Variants in E2F8 observed in about 807,000 individuals in gnomAD.
E2F8 encodes transcription factor E2F8.
A neutral mutation model predicts 80.8 loss-of-function variants in E2F8; 35 were observed. The observed-to-expected ratio is 0.43, with a 90% confidence interval of 0.33 to 0.57. The LOEUF (loss-of-function observed/expected upper bound fraction) is 0.57, where lower values mean the gene tolerates loss of function less well. Ranked by LOEUF, E2F8 falls within the 20% of genes least tolerant of loss-of-function variation. The pLI, the probability that E2F8 is intolerant of heterozygous loss-of-function variation, is 0.04. For synonymous variants in E2F8, 386 were observed against 395.0 expected, an observed-to-expected ratio of 0.98 and a Z score of 0.27; for missense variants, 975 against 1,056.2, an observed-to-expected ratio of 0.92 and a Z score of 1.07.
At position 19,240,889 on chromosome 11, in the gene E2F8, G is replaced by C. The variant is rs1345155677; in HGVS notation, c.-451C>G. 1 of 152,330 alleles carries C rather than the reference G, an allele frequency of 6.6e-6. No individual in the cohort carries two copies. The highest frequency in any genetic ancestry group is 1.5e-5 in the Non-Finnish European group (1 of 68,144). 9.4% of individuals were successfully genotyped at this position (152,330 alleles called of 1,614,324 possible). A position where few individuals can be genotyped will look rare whatever the true frequency, so the allele number is the denominator to read the frequency against. ...ACGGCGTTAGACTCCACCTTGGAAG[G>C]CTGTATTTGCCCAATAAGGCAAGCA... On this transcript the variant is annotated 5_prime_UTR_variant, in exon 1 of 13. Transcript: ENST00000250024.
intron 2 of E2F8, among the ~76,000 whole-genome samples, chr11:19,239,888 T>C (rs988184593): frequency 2.6e-5 from 4 of 151,014 alleles, no homozygotes; most frequent in African/African-American, 9.7e-5. Flanking sequence ...CTTTTTAAGA[T>C]AATTTTCATT....
Position 19,237,996 on chromosome 11 carries a change from C to A in E2F8, c.152G>T (p.Gly51Val). The A allele has an allele frequency of 6.2e-7, 1 of 1,614,150 alleles. No homozygotes were observed. The highest frequency in any genetic ancestry group is 8.5e-7 in the Non-Finnish European group (1 of 1,180,034). The change falls in exon 3 of 13, where the codon GGC becomes GTC. Residue 51 changes from glycine to valine, a missense_variant. By Grantham distance (109) the Gly-to-Val change is moderately radical (BLOSUM62 -3). Coordinates refer to ENST00000250024, the MANE Select transcript of E2F8 (RefSeq NM_024680.4). ...CGGTGTCCACGGCTCTCCCTGAGAG[C>A]CTTCCTTGGGCTTGGTAGGTGTGGT... ...PLTTPTKPKE[G>V]SQGEPWTPTA...
chr11:19,230,659 C>A lies in E2F8; in HGVS notation c.1242G>T (p.Ala414=), dbSNP rs767997311. The part of the protein sequence containing the change: ...IESDRRKINS[A]PSSPIKTNKA... ...TGTTGGTCTTGATAGGGCTACTGGG[C>A]GCAGAATTTATCTTTCTCCGATCAC... is the stretch of plus-strand genomic sequence containing the variant. The change falls in exon 8 of 13, where the codon GCG becomes GCT. Residue 414 remains alanine (A), a synonymous_variant. Coordinates refer to ENST00000250024, the MANE Select transcript of E2F8 (RefSeq NM_024680.4). 1 of 1,614,112 alleles carries A rather than the reference C, an allele frequency of 6.2e-7. No individual in the cohort carries two copies. The highest frequency in any genetic ancestry group is 8.5e-7 in the Non-Finnish European group (1 of 1,180,016).
intron 2 of E2F8, among the ~76,000 whole-genome samples, chr11:19,239,515 T>C (rs76872581): frequency 6.5e-4 from 99 of 152,234 alleles, no homozygotes; most frequent in Admixed American, 1.7e-3. Context: ...TTTGTAATTT[T>C]ACAAAATGTT....
chr11:19,227,259 T>C (rs929364489), intron 10 of E2F8, among the ~76,000 whole-genome samples: 1 of 152,194 alleles, frequency 6.6e-6, no homozygotes, highest in Non-Finnish European at 1.5e-5. Context: ...ATTTTGTTTC[T>C]TAAGTACTTG....
Position 19,229,630 on chromosome 11 carries a change from C to T in E2F8, c.1717G>A (p.Ala573Thr). 2 of 1,614,182 alleles carry T rather than the reference C, an allele frequency of 1.2e-6. No homozygotes were observed. The highest frequency in any genetic ancestry group is 1.7e-6 in the Non-Finnish European group (2 of 1,180,038). Reference sequence around the variant, plus strand: ...CTTCCAGGCCTGGTAGAGGCACTGGCCTTTGAGGTATCATTGGCTGCCTTC... The same window carrying T: ...CTTCCAGGCCTGGTAGAGGCACTGGTCTTTGAGGTATCATTGGCTGCCTTC... ...TEKAANDTSK[A>T]SASTRPGSLL... Residue 573 changes from alanine (A) to threonine (T), a missense_variant, in exon 10 of 13, where the codon GCC becomes ACC. Ala to Thr is a moderately conservative substitution (Grantham distance 58). Coordinates refer to ENST00000250024, the MANE Select transcript of E2F8 (RefSeq NM_024680.4). The surrounding 1 kb of genome is among the most constrained non-coding windows in gnomAD (Gnocchi z 4.3).
intron 10 of E2F8, among the ~76,000 whole-genome samples, chr11:19,228,080 GT>G (rs937484784): frequency 6.6e-6 from 1 of 152,102 alleles, no homozygotes; most frequent in African/African-American, 2.4e-5. Flanking sequence ...GTAAGACCCT[GT>G]CTCAAAAGAA....
rs1159331650 is a variant in E2F8 at position 19,229,752 on chromosome 11, T to C, written c.1595A>G (p.Gln532Arg). 2.5e-6 allele frequency: 4 copies of C among 1,614,054 alleles called. No homozygotes were observed. In the African/African-American group the frequency reaches 5.3e-5, roughly 22 times the overall value. Residue 532 changes from glutamine to arginine, a missense_variant, in exon 10 of 13, where the codon CAA becomes CGA. Transcript: ENST00000250024. This position sits in a 1 kb window ranked among gnomAD's most constrained non-coding sequence, Gnocchi z 4.3. ...CAGGCCTTGGGGTGGCGTCACACTTTGGTGGGCTTGAGTGGGCTGCAGGTA... is the reference window on the plus strand; with the variant it reads ...CAGGCCTTGGGGTGGCGTCACACTTCGGTGGGCTTGAGTGGGCTGCAGGTA... ...AIYLQPTQAH[Q>R]SVTPPQGLSP...
intron 3 of E2F8, 57 bp downstream of exon 3, chr11:19,237,797 C>T (rs1242440208): frequency 1.3e-6 from 2 of 1,552,678 alleles, no homozygotes; most frequent in Non-Finnish European, 1.7e-6. Context: ...ATAGCTACAA[C>T]CTCCCCCCTC....
chr11:19,231,266 C>T (rs1309000851), intron 7 of E2F8, among the ~76,000 whole-genome samples: 3 of 152,154 alleles, frequency 2.0e-5, no homozygotes, highest in African/African-American at 7.2e-5. Context: ...CCTACTGGCT[C>T]AAGGTCTCTC....
In E2F8 at chr11:19,232,220, A is replaced by G. The variant is rs779469206; in HGVS notation, c.1066+14T>C. Reference sequence around the variant, plus strand: ...CAAATAATAAAGCAGAGGGTGAAAGAAAAAAATACATACCACTGGTATTTG... The same window carrying G: ...CAAATAATAAAGCAGAGGGTGAAAGGAAAAAATACATACCACTGGTATTTG... On this transcript the variant is annotated intron_variant, in intron 7 of 12. Transcript: ENST00000250024. 6.2e-7 allele frequency: 1 copy of G among 1,608,152 alleles called. No homozygotes were observed. Among genetic ancestry groups the G allele is most frequent in the South Asian group, 1.1e-5 (1 of 90,118 alleles).
At chr11:19,240,040 T>C (rs1851618204) in intron 2 of E2F8, 67 bp downstream of exon 2, 2 of 1,305,424 alleles carry the variant, frequency 1.5e-6, no homozygotes, top group African/African-American at 1.5e-5. Context: ...AGGGAAAAAT[T>C]ATGGAGTTAA....
chr11:19,234,841 A>G lies in E2F8; in HGVS notation c.669T>C (p.Ser223=). The G allele has an allele frequency of 6.2e-7, 1 of 1,614,016 alleles. No homozygotes were observed. Among genetic ancestry groups the G allele is most frequent in the Non-Finnish European group, 8.5e-7 (1 of 1,179,994 alleles). ...EYEQEFDFIK[S]YSIEDHIIKS... is the part of the protein sequence containing the mutation. The stretch of plus-strand genomic sequence containing the variant: ...TGATGATATGATCCTCTATACTGTA[A>G]CTCTTAATAAAGTCAAACTCTTGCT... Residue 223 remains serine, a synonymous_variant, in exon 5 of 13, where the codon AGT becomes AGC. Coordinates refer to ENST00000250024, the MANE Select transcript of E2F8 (RefSeq NM_024680.4).
intron 1 of E2F8, 148 bp from the exon 2 acceptor site, chr11:19,240,378 G>T (rs1010001549): frequency 1.4e-5 from 4 of 291,478 alleles, no homozygotes; most frequent in African/African-American, 8.6e-5. Context: ...ACCAGAGATC[G>T]CCCCACTGAG....
Position 19,237,615 on chromosome 11 carries a change from G to A in E2F8, c.295-145C>T, listed in dbSNP as rs1851552817. 7 of 1,054,588 alleles carry A rather than the reference G, an allele frequency of 6.6e-6. No individual in the cohort carries two copies. In the East Asian group the frequency reaches 1.8e-4, roughly 27 times the overall value. 65.3% of individuals were successfully genotyped at this position (1,054,588 alleles called of 1,614,324 possible). A position where few individuals can be genotyped will look rare whatever the true frequency, so the allele number is the denominator to read the frequency against. The stretch of plus-strand genomic sequence containing the variant: ...GTCTGGATGGGAGAAAAGGTTAGGG[G>A]GGCCAGTACAAAATGCTTGGCAAAC... On this transcript the variant is annotated intron_variant, in intron 3 of 12. Transcript: ENST00000250024.
Position 19,225,745 on chromosome 11 carries a change from G to A in E2F8, c.2013C>T (p.Ser671=), listed in dbSNP as rs373983110. Reference sequence around the variant, plus strand: ...ATGTGCACTCACCTGCAATTGGGGAGCTGTAAATCCTGTGGTTTGGGGAAA... The same window carrying A: ...ATGTGCACTCACCTGCAATTGGGGAACTGTAAATCCTGTGGTTTGGGGAAA... ...SALSPNHRIY[S]SPIAGVIPVT... Residue 671 remains serine (S), a synonymous_variant, in exon 11 of 13, where the codon AGC becomes AGT. Transcript: ENST00000250024. 3.1e-6 allele frequency: 5 copies of A among 1,614,108 alleles called. No homozygotes were observed. In the African/African-American group the frequency reaches 5.3e-5, roughly 17 times the overall value.
intron 10 of E2F8, among the ~76,000 whole-genome samples, chr11:19,227,293 T>C (rs980044627): frequency 6.6e-6 from 1 of 152,182 alleles, no homozygotes; most frequent in African/African-American, 2.4e-5. Context: ...TCTCTACTAG[T>C]AGGTGCCTTG....
rs941557653 is a variant in E2F8 at position 19,232,429 on chromosome 11, C to T, written c.929-58G>A. 6.1e-6 allele frequency: 9 copies of T among 1,468,116 alleles called. No homozygotes were observed. The South Asian group carries it at 8.9e-5, about 15-fold the overall frequency. The allele number at this position is 1,468,116 out of a possible 1,614,324, so 90.9% of individuals were successfully genotyped here. A position where few individuals can be genotyped will look rare whatever the true frequency, so the allele number is the denominator to read the frequency against. ...AATAATGAAAAGATCAAAGAATTTT[C>T]CTTCAGAAGGACTTCATGTATATTC... On this transcript the variant is annotated intron_variant, in intron 6 of 12. Coordinates refer to ENST00000250024, the MANE Select transcript of E2F8 (RefSeq NM_024680.4).
In E2F8 at chr11:19,230,775, CTTT is replaced by C; in HGVS notation, c.1123_1125del (p.Lys375del). ...GAAAAGAGGTTTTTGGCACAGTTCT[CTTT>C]TGAAGACCGTCTCACCTCCAAATCA... is the stretch of plus-strand genomic sequence containing the variant. On this transcript the variant is annotated inframe_deletion, in exon 8 of 13. Transcript: ENST00000250024. The C allele has an allele frequency of 6.2e-7, 1 of 1,614,188 alleles. No homozygotes were observed. The highest frequency in any genetic ancestry group is 8.5e-7 in the Non-Finnish European group (1 of 1,180,032).
Sources: allele counts gnomAD v4.1 joint callset (sites outside exome capture counted in the v4.1 genomes callset), GRCh38; gene constraint gnomAD v4.1.1; non-coding constraint Gnocchi (gnomAD v3.1); transcripts MANE v1.5; gene names NCBI Gene and HGNC (gene_info 2026-07-23, HGNC 2026-07-21).